The following PLIN5 variants were observed in gnomAD, a reference collection of about 807,000 sequenced individuals.
The protein encoded by PLIN5 is perilipin-5.
A neutral mutation model predicts 32.8 loss-of-function variants in PLIN5; 34 were observed. The ratio of observed to expected loss-of-function variants is 1.04; its 90% confidence interval spans 0.79 to 1.38. The LOEUF (loss-of-function observed/expected upper bound fraction) is 1.38. Ranked by LOEUF, PLIN5 falls within the 40% of genes most tolerant of loss-of-function variation. The pLI is 0.00. For missense variants in PLIN5, 712 were observed against 660.5 expected (o/e 1.08, Z -0.85); for synonymous variants, 309 against 292.9 (o/e 1.05, Z -0.56).
intron 2 of PLIN5, 129 bp downstream of exon 2, chr19:4,533,886 A>G (rs1976916429): frequency 1.8e-6 from 2 of 1,128,848 alleles, no homozygotes; most frequent in Non-Finnish European, 2.5e-6. Context: ...ATGGACCAAA[A>G]TATTTTATGA....
Position 4,523,470 on chromosome 19 carries a change from G to C in PLIN5, c.*58C>G. The C allele has an allele frequency of 4.0e-6, 6 of 1,495,990 alleles. No homozygotes were observed. The highest frequency in any genetic ancestry group is 5.4e-6 in the Non-Finnish European group (6 of 1,118,934). 92.7% of individuals were successfully genotyped at this position (1,495,990 alleles called of 1,614,324 possible). On this transcript the variant is annotated 3_prime_UTR_variant, in exon 8 of 8. Coordinates refer to ENST00000381848, the MANE Select transcript of PLIN5 (RefSeq NM_001013706.3). The surrounding 1 kb of genome is among the most constrained non-coding windows in gnomAD (Gnocchi z 5.0). ...CGAGCTTACGTGTGGCCACCAGGGG[G>C]CAGCAGGGATCGGGGTGTGCAGGTG...
intron 5 of PLIN5, 104 bp downstream of exon 5, chr19:4,528,969 T>A: frequency 8.0e-7 from 1 of 1,242,620 alleles, no homozygotes; most frequent in East Asian, 2.6e-5. Context: ...TTCCTGCTGA[T>A]CTGCTGTGTG....
intron 5 of PLIN5, chr19:4,528,401 T>C (rs1483673023): frequency 6.6e-6 from 1 of 151,384 alleles, no homozygotes; most frequent in East Asian, 1.9e-4. Context: ...ATTCTGGCTG[T>C]GTCTAGTTTT....
chr19:4,534,130 C>G, intron 1 of PLIN5, 35 bp from the exon 2 acceptor site: 1 of 1,560,354 alleles, frequency 6.4e-7, no homozygotes, highest in Non-Finnish European at 8.7e-7. Context: ...GAGCACCTGC[C>G]CAGGCATCAG....
At position 4,534,055 on chromosome 19, in the gene PLIN5, G is replaced by T; in HGVS notation, c.20C>A (p.Ala7Asp). ...CCACACACTGGATCTGGGGATCTGA[G>T]CCGCCTCTTCTTCAGACATCGTGCT... is the stretch of plus-strand genomic sequence containing the variant. MSEEEA[A>D]QIPRSSVWEQ... Residue 7 changes from alanine to aspartate, a missense_variant, in exon 2 of 8, where the codon GCT (alanine) becomes GAT (aspartate). By Grantham distance (126) the Ala-to-Asp change is moderately radical. Coordinates refer to ENST00000381848, the MANE Select transcript of PLIN5 (RefSeq NM_001013706.3). 1 of 1,613,270 alleles carries T rather than the reference G, an allele frequency of 6.2e-7. No individual in the cohort carries two copies. The highest frequency in any genetic ancestry group is 8.5e-7 in the Non-Finnish European group (1 of 1,179,652).
Position 4,525,103 on chromosome 19 carries a change from A to G in PLIN5, c.721-27T>C, listed in dbSNP as rs1976784568. The G allele has an allele frequency of 2.2e-6, 2 of 900,672 alleles. No homozygotes were observed. Among genetic ancestry groups the G allele is most frequent in the South Asian group, 4.1e-5 (2 of 48,896 alleles). 55.8% of individuals were successfully genotyped at this position (900,672 alleles called of 1,614,324 possible). A position where few individuals can be genotyped will look rare whatever the true frequency, so the allele number is the denominator to read the frequency against. ...TGCAAGGACAGAAATGGTGGTCTTC[A>G]GAGCTGGGGGAGCTGGGGGAGCTGG... On this transcript the variant is annotated intron_variant, in intron 6 of 7. Transcript: ENST00000381848. This position sits in a 1 kb window ranked among gnomAD's most constrained non-coding sequence, Gnocchi z 5.6.
intron 2 of PLIN5, chr19:4,533,560 G>A (rs1976912377): frequency 4.4e-6 from 1 of 227,546 alleles, no homozygotes; most frequent in Admixed American, 5.4e-5. Context: ...ACTTGGGCAA[G>A]CCACTGAACT....
rs1976792852 is a variant in PLIN5 at position 4,525,778 on chromosome 19, C to A, written c.575G>T (p.Arg192Met). Residue 192 changes from arginine to methionine, a missense_variant, in exon 6 of 8, where the codon AGG becomes ATG. By Grantham distance (91) the Arg-to-Met change is moderately conservative. Coordinates refer to ENST00000381848, the MANE Select transcript of PLIN5 (RefSeq NM_001013706.3). The surrounding 1 kb of genome is among the most constrained non-coding windows in gnomAD (Gnocchi z 5.6). ...GCGCACAAAGTAGCCCTGCTGTCTC[C>A]TCTGATCCTCCACCGAACCCACTTC... ...GPEVGSVEDQRRQQGYFVRLG... is the reference protein window; with the variant it reads ...GPEVGSVEDQMRQQGYFVRLG... 4 of 1,613,386 alleles carry A rather than the reference C, an allele frequency of 2.5e-6. No homozygotes were observed. The highest frequency in any genetic ancestry group is 3.4e-6 in the Non-Finnish European group (4 of 1,179,948).
chr19:4,530,001 G>C, intron 3 of PLIN5, 135 bp from the exon 4 acceptor site: 1 of 505,412 alleles, frequency 2.0e-6, no homozygotes. Context: ...ATAAGACAGG[G>C]AGAAACAAAA....
chr19:4,524,067 C>T lies in PLIN5; in HGVS notation c.853G>A (p.Val285Met). ...RRSQAELETL[V>M]LSRSLTQELQ... ...TCCTGGGTCAGGCTGCGGGACAGCA[C>T]CAGCGTCTCCAGCTCTGCCTGCAGG... Residue 285 changes from valine (V) to methionine (M), a missense_variant, in exon 8 of 8, where the codon GTG (valine) becomes ATG (methionine). Physicochemically the swap from Val to Met is conservative, Grantham distance 21. Coordinates refer to ENST00000381848, the MANE Select transcript of PLIN5 (RefSeq NM_001013706.3). 1 of 1,438,372 alleles carries T rather than the reference C, an allele frequency of 7.0e-7. No individual in the cohort carries two copies. The highest frequency in any genetic ancestry group is 2.3e-4 in the Middle Eastern group (1 of 4,428). The allele number at this position is 1,438,372 out of a possible 1,614,324, so 89.1% of individuals were successfully genotyped here. A position where few individuals can be genotyped will look rare whatever the true frequency, so the allele number is the denominator to read the frequency against.
At chr19:4,524,557 A>C (rs1976775413) in intron 7 of PLIN5, among the ~76,000 whole-genome samples, 1 of 152,040 alleles carries the variant, frequency 6.6e-6, no homozygotes, top group Non-Finnish European at 1.5e-5. Context: ...TTCTCAAATA[A>C]ATAAATATAA....
rs2145329580 is a variant in PLIN5, at chr19:4,531,705, C to G, written c.178G>C (p.Ala60Pro). The part of the protein sequence containing the change: ...HPLLGSACRL[A>P]ENCVCGLTTR... ...GTCAGGCCGCACACGCAGTTCTCAG[C>G]CAGGCGGCAGGCGGAGCCCAGCAGC... is the stretch of plus-strand genomic sequence containing the variant. Residue 60 changes from alanine (A) to proline (P), a missense_variant, in exon 3 of 8, where the codon GCT becomes CCT. Ala to Pro is a conservative substitution (Grantham distance 27, BLOSUM62 -1). Coordinates refer to ENST00000381848, the MANE Select transcript of PLIN5 (RefSeq NM_001013706.3). 6.3e-7 allele frequency: 1 copy of G among 1,576,464 alleles called. No individual in the cohort carries two copies. The highest frequency in any genetic ancestry group is 2.3e-5 in the East Asian group (1 of 42,740).
chr19:4,528,168 C>A (rs1322986231), intron 5 of PLIN5, among the ~76,000 whole-genome samples: 1 of 151,976 alleles, frequency 6.6e-6, no homozygotes, highest in Non-Finnish European at 1.5e-5. Flanking sequence ...CTCGGCCCCC[C>A]AAAGTGCTGG....
Position 4,531,683 on chromosome 19 carries a change from A to G in PLIN5, c.200T>C (p.Leu67Pro), listed in dbSNP as rs914291752. ...GGCGTGGTCCAGGGCACGGGTGGTC[A>G]GGCCGCACACGCAGTTCTCAGCCAG... Reference protein sequence around the residue: ...CRLAENCVCGLTTRALDHAQP... With the variant: ...CRLAENCVCGPTTRALDHAQP... The change falls in exon 3 of 8, where the codon CTG (leucine) becomes CCG (proline). Residue 67 changes from leucine (L) to proline (P), a missense_variant. Coordinates refer to ENST00000381848, the MANE Select transcript of PLIN5 (RefSeq NM_001013706.3). 4.4e-5 allele frequency: 69 copies of G among 1,551,024 alleles called. No individual in the cohort carries two copies. The highest frequency in any genetic ancestry group is 5.6e-5 in the Non-Finnish European group (65 of 1,152,110).
chr19:4,529,385 A>C, intron 4 of PLIN5, 132 bp from the exon 5 acceptor site: 1 of 999,488 alleles, frequency 1.0e-6, no homozygotes, highest in Non-Finnish European at 1.4e-6. Flanking sequence ...TTCCCCTATA[A>C]AATGGGTGAT....
rs1444718348 is a variant in PLIN5 at position 4,531,620 on chromosome 19, C to T, written c.256+7G>A. On this transcript the variant is annotated splice_region_variant and intron_variant, in intron 3 of 7. Coordinates refer to ENST00000381848, the MANE Select transcript of PLIN5 (RefSeq NM_001013706.3). The stretch of plus-strand genomic sequence containing the variant: ...CAGCTCCCAGGGACACGGGCCAGGG[C>T]ACTCACGCTGGGGCTGCAGGTGCTC... 6.6e-7 allele frequency: 1 copy of T among 1,507,838 alleles called. No individual in the cohort carries two copies. Among genetic ancestry groups the T allele is most frequent in the Middle Eastern group, 2.3e-4 (1 of 4,274 alleles). 93.4% of individuals were successfully genotyped at this position (1,507,838 alleles called of 1,614,324 possible).
At chr19:4,524,759 TAC>T (rs1417689232) in intron 7 of PLIN5, among the ~76,000 whole-genome samples, 13 of 147,910 alleles carry the variant, frequency 8.8e-5, no homozygotes, top group African/African-American at 3.4e-4. Context: ...TCAAAATAAA[TAC>T]ATAAATAAAA....
chr19:4,523,747 G>GTCGGGCAGGGGC lies in PLIN5; in HGVS notation c.1161_1172dup (p.Glu387_Pro390dup). The GTCGGGCAGGGGC allele has an allele frequency of 6.2e-7, 1 of 1,600,680 alleles. No homozygotes were observed. Among genetic ancestry groups the GTCGGGCAGGGGC allele is most frequent in the Non-Finnish European group, 8.5e-7 (1 of 1,179,542 alleles). ...TGACCTCGTCCACCAGGTCCGCCAG[G>GTCGGGCAGGGGC]TCGGGCAGGGGCTCGGGTCGCTCCA... On this transcript the variant is annotated inframe_insertion, in exon 8 of 8. Coordinates refer to ENST00000381848, the MANE Select transcript of PLIN5 (RefSeq NM_001013706.3). This position sits in a 1 kb window ranked among gnomAD's most constrained non-coding sequence, Gnocchi z 5.0.
intron 2 of PLIN5, chr19:4,532,884 G>C (rs1046893701): frequency 1.3e-4 from 20 of 152,088 alleles, no homozygotes; most frequent in African/African-American, 4.6e-4. Flanking sequence ...GCCCATGCTG[G>C]TCTTGAACTC....
Sources: allele counts gnomAD v4.1 joint callset (sites outside exome capture counted in the v4.1 genomes callset), GRCh38; gene constraint gnomAD v4.1.1; non-coding constraint Gnocchi (gnomAD v3.1); transcripts MANE v1.5; gene names NCBI Gene and HGNC (gene_info 2026-07-23, HGNC 2026-07-21).